Variants in CRACD observed in about 807,000 individuals in gnomAD.
CRACD encodes capping protein-inhibiting regulator of actin dynamics.
Under a neutral mutation model 106.8 loss-of-function variants are expected in CRACD, and 56 were observed. The observed-to-expected ratio is 0.52, with a 90% confidence interval of 0.42 to 0.66. The LOEUF is 0.66. Among genes scored for constraint, CRACD ranks in the 30% least tolerant of loss-of-function variants. The pLI, the probability that CRACD is intolerant of heterozygous loss-of-function variation, is 0.00. For missense variants in CRACD, 1,730 were observed against 1,623.2 expected (o/e 1.07, Z -1.13); for synonymous variants, 754 against 670.8 (o/e 1.12, Z -1.92).
intron 2 of CRACD, among the ~76,000 whole-genome samples, chr4:56,251,040 G>C (rs540456449): frequency 6.6e-6 from 1 of 152,100 alleles, no homozygotes; most frequent in African/African-American, 2.4e-5. Context: ...ATGAAGGAGC[G>C]CAATATAGTG....
chr4:56,285,282 C>T (rs974240131), intron 3 of CRACD, among the ~76,000 whole-genome samples: 1 of 152,136 alleles, frequency 6.6e-6, no homozygotes, highest in African/African-American at 2.4e-5. Context: ...GACACAAATC[C>T]AAACCTCATC....
intron 1 of CRACD, among the ~76,000 whole-genome samples, chr4:56,144,827 T>A (rs568068074): frequency 1.3e-5 from 2 of 152,270 alleles, no homozygotes; most frequent in South Asian, 4.2e-4. Flanking sequence ...CTAATGTTTA[T>A]ATTTTTAGTA....
chr4:56,107,097 T>A (rs1221164720), intron 1 of CRACD, among the ~76,000 whole-genome samples: 2 of 152,178 alleles, frequency 1.3e-5, no homozygotes, highest in Non-Finnish European at 2.9e-5. Context: ...TTTAGCCTAC[T>A]GAGTAGCTGG....
At chr4:56,076,612 A>G (rs1221409998) in intron 1 of CRACD, among the ~76,000 whole-genome samples, 1 of 152,200 alleles carries the variant, frequency 6.6e-6, no homozygotes, top group Non-Finnish European at 1.5e-5. Context: ...CTTTATGCAT[A>G]TCATTCCCTC....
intron 2 of CRACD, among the ~76,000 whole-genome samples, chr4:56,259,459 G>C (rs1421041523): frequency 6.6e-6 from 1 of 152,100 alleles, no homozygotes; most frequent in African/African-American, 2.4e-5. Context: ...GGAAGGTAAA[G>C]GTTATAACTC....
At position 56,315,550 on chromosome 4, in the gene CRACD, C is replaced by G. The variant is rs907216659; in HGVS notation, c.2048C>G (p.Pro683Arg). ...SRILKNAESD[P>R]RSSERDQLRP... ...ATCCTGAAGAACGCAGAGAGTGACC[C>G]GCGCAGCAGCGAGAGGGACCAGTTG... The change falls in exon 8 of 11, where the codon CCG becomes CGG. Residue 683 changes from proline to arginine, a missense_variant. Around this residue, in one of 5 missense-constraint regions of CRACD, gnomAD observed 1,620 missense variants for 1,481.6 expected, o/e 1.09. Coordinates refer to ENST00000682029, the MANE Select transcript of CRACD (RefSeq NM_001393381.1). This position sits in a 1 kb window ranked among gnomAD's most constrained non-coding sequence, Gnocchi z 4.1. The G allele has an allele frequency of 6.2e-7, 1 of 1,614,114 alleles. No individual in the cohort carries two copies.
intron 2 of CRACD, among the ~76,000 whole-genome samples, chr4:56,180,798 C>T (rs1369015963): frequency 1.3e-5 from 2 of 152,194 alleles, no homozygotes; most frequent in Non-Finnish European, 2.9e-5. Context: ...CATGTTACCT[C>T]TACCGTGAGA....
intron 1 of CRACD, among the ~76,000 whole-genome samples, chr4:56,175,900 G>C (rs963597494): frequency 6.6e-6 from 1 of 152,118 alleles, no homozygotes; most frequent in Non-Finnish European, 1.5e-5. Context: ...TCTTGTAGTA[G>C]TTTCATAGAT....
rs375013824 is a variant in CRACD at position 56,188,686 on chromosome 4, T to TCA, written c.-189+9281_-189+9282dup. Reference sequence around the variant, plus strand: ...CTCTCTCTCTCTCTCTCTCTCTCTCTCACACACACACACACACACACACAC... The same window carrying TCA: ...CTCTCTCTCTCTCTCTCTCTCTCTCTCACACACACACACACACACACACACAC... On this transcript the variant is annotated intron_variant, in intron 2 of 10. Coordinates refer to ENST00000682029, the MANE Select transcript of CRACD (RefSeq NM_001393381.1). Among the ~76,000 whole-genome samples, 511 of 92,138 alleles carry TCA rather than the reference T, an allele frequency of 5.5e-3. 9 individuals are homozygous for TCA. The highest frequency in any genetic ancestry group is 9.4e-3 in the Admixed American group (84 of 8,968). The allele number at this position is 92,138 out of a possible 152,430, so 60.4% of individuals were successfully genotyped here. A position where few individuals can be genotyped will look rare whatever the true frequency, so the allele number is the denominator to read the frequency against.
chr4:56,154,016 T>C (rs1177122771), intron 1 of CRACD, among the ~76,000 whole-genome samples: 1 of 152,214 alleles, frequency 6.6e-6, no homozygotes, highest in Admixed American at 6.5e-5. Flanking sequence ...TTACTTTCTA[T>C]TAGAATAGCA....
intron 1 of CRACD, among the ~76,000 whole-genome samples, chr4:56,107,302 T>C (rs1733981572): frequency 6.6e-6 from 1 of 152,176 alleles, no homozygotes; most frequent in African/African-American, 2.4e-5. Context: ...ATTTTCTATG[T>C]GACCTTGAAC....
intron 2 of CRACD, among the ~76,000 whole-genome samples, chr4:56,267,955 A>G (rs1010773632): frequency 1.3e-5 from 2 of 152,132 alleles, no homozygotes; most frequent in African/African-American, 4.8e-5. Flanking sequence ...CTTCCAAATG[A>G]TGGCACCCTC....
At chr4:56,158,359 C>A (rs1205095570) in intron 1 of CRACD, among the ~76,000 whole-genome samples, 3 of 152,132 alleles carry the variant, frequency 2.0e-5, no homozygotes, top group Non-Finnish European at 4.4e-5. Flanking sequence ...TTGACCCTTA[C>A]AGAAAATGCT....
intron 1 of CRACD, among the ~76,000 whole-genome samples, chr4:56,057,887 C>T (rs1459969796): frequency 5.4e-5 from 4 of 73,500 alleles, no homozygotes; most frequent in Non-Finnish European, 7.5e-5. Flanking sequence ...GGCGCGATCT[C>T]GGCTCACTGC....
intron 2 of CRACD, among the ~76,000 whole-genome samples, chr4:56,270,656 T>C (rs1364904634): frequency 6.6e-6 from 1 of 152,194 alleles, no homozygotes; most frequent in Non-Finnish European, 1.5e-5. Flanking sequence ...TGCTATTTTA[T>C]CTCTTCGTGT....
intron 1 of CRACD, among the ~76,000 whole-genome samples, chr4:56,108,499 T>A (rs1452321710): frequency 6.6e-6 from 1 of 152,170 alleles, no homozygotes; most frequent in African/African-American, 2.4e-5. Flanking sequence ...TCTCCCCGTG[T>A]GCGGAGACGA....
chr4:56,119,801 G>A (rs949099137), intron 1 of CRACD, among the ~76,000 whole-genome samples: 4 of 152,092 alleles, frequency 2.6e-5, no homozygotes, highest in African/African-American at 9.7e-5. Context: ...TGTCCCAGAG[G>A]CATTTCATAC....
intron 2 of CRACD, among the ~76,000 whole-genome samples, chr4:56,200,627 C>T (rs1216156466): frequency 2.0e-5 from 3 of 152,092 alleles, no homozygotes; most frequent in Non-Finnish European, 4.4e-5. Flanking sequence ...TATTCTACTA[C>T]CTTCCAGAAT....
chr4:56,322,144 G>A (rs1204162951), intron 8 of CRACD, among the ~76,000 whole-genome samples: 1 of 152,132 alleles, frequency 6.6e-6, no homozygotes, highest in Non-Finnish European at 1.5e-5. Context: ...TTTACTTGAG[G>A]GAAAAGGAGA....
Sources: gnomAD v4.1 joint callset for allele counts (sites outside exome capture counted in the v4.1 genomes callset) on GRCh38, gnomAD v4.1.1 for gene constraint, gnomAD v4.1.1 regional missense constraint, Gnocchi (gnomAD v3.1) non-coding constraint, MANE v1.5 for transcripts, NCBI Gene and HGNC (gene_info 2026-07-23, HGNC 2026-07-21) for gene names.